KLHL24: variants seen among roughly 807,000 people sequenced by gnomAD.
The protein encoded by KLHL24 is kelch-like protein 24.
A neutral mutation model predicts 53.4 loss-of-function variants in KLHL24; 29 were observed. The observed-to-expected ratio is 0.54, with a 90% CI of 0.40 to 0.74. The LOEUF (loss-of-function observed/expected upper bound fraction) is 0.74. KLHL24 is among the 30% of genes least tolerant of loss of function. The probability of loss-of-function intolerance (pLI) is 0.00; values close to 1 mark genes in which losing one functional copy is unlikely to be tolerated. For missense variants in KLHL24, 504 were observed against 744.0 expected (o/e 0.68, Z 3.75); for synonymous variants, 222 against 253.7 (o/e 0.88, Z 1.19).
intron 7 of KLHL24, among the ~76,000 whole-genome samples, chr3:183,673,820 C>T (rs1576979817): frequency 6.6e-6 from 1 of 152,226 alleles, no homozygotes; most frequent in South Asian, 2.1e-4. Flanking sequence ...CCTCTGTCCT[C>T]TTCCCAGTTT....
In KLHL24 at chr3:183,680,792, CCTGCTGTAGTTTGA is replaced by C. The variant is rs1188188646; in HGVS notation, c.*1509_*1522del. ...CAACATTTAGGGATGTTCTAGGTAG[CCTGCTGTAGTTTGA>C]CTTCCAGTCACTGTTGTCTTTCACA... On this transcript the variant is annotated 3_prime_UTR_variant, in exon 8 of 8. Coordinates refer to ENST00000242810, the MANE Select transcript of KLHL24 (RefSeq NM_017644.3). 1 of 152,002 alleles carries C rather than the reference CCTGCTGTAGTTTGA, an allele frequency of 6.6e-6. No homozygotes were observed. The highest frequency in any genetic ancestry group is 6.5e-5 in the Admixed American group (1 of 15,274). The allele number at this position is 152,002 out of a possible 1,614,324, so 9.4% of individuals were successfully genotyped here.
At chr3:183,672,208 A>C in intron 6 of KLHL24, 88 bp from the exon 7 acceptor site, 5 of 593,504 alleles carry the variant, frequency 8.4e-6, no homozygotes, top group Non-Finnish European at 1.3e-5. Context: ...TATTTTAAAT[A>C]ATGTTTGTAG....
At chr3:183,666,265 T>G (rs1720544787) in intron 5 of KLHL24, among the ~76,000 whole-genome samples, 1 of 152,090 alleles carries the variant, frequency 6.6e-6, no homozygotes, top group Admixed American at 6.5e-5. Flanking sequence ...GGATATTTTT[T>G]TTTTCTTTTG....
chr3:183,650,283 T>A lies in KLHL24; in HGVS notation c.-61-13T>A. Reference sequence around the variant, plus strand: ...TTTTGCATATTGAAATGTTTTCCTTTTTTTACTTTTAGCCACATAAAGAAG... The same window carrying A: ...TTTTGCATATTGAAATGTTTTCCTTATTTTACTTTTAGCCACATAAAGAAG... On this transcript the variant is annotated splice_polypyrimidine_tract_variant and intron_variant, in intron 2 of 7. Transcript: ENST00000242810. This position sits in a 1 kb window ranked among gnomAD's most constrained non-coding sequence, Gnocchi z 4.5. 1 of 1,219,010 alleles carries A rather than the reference T, an allele frequency of 8.2e-7. No homozygotes were observed. Among genetic ancestry groups the A allele is most frequent in the East Asian group, 2.4e-5 (1 of 41,652 alleles). The allele number at this position is 1,219,010 out of a possible 1,614,324, so 75.5% of individuals were successfully genotyped here. A position where few individuals can be genotyped will look rare whatever the true frequency, so the allele number is the denominator to read the frequency against.
At chr3:183,639,937 A>C (rs1454735296) in intron 1 of KLHL24, among the ~76,000 whole-genome samples, 7 of 152,094 alleles carry the variant, frequency 4.6e-5, no homozygotes, top group Admixed American at 4.6e-4. Context: ...AGGCAGGAGA[A>C]TCACTTGAAC....
intron 1 of KLHL24, among the ~76,000 whole-genome samples, chr3:183,636,842 C>T (rs971508236): frequency 8.6e-5 from 13 of 151,914 alleles, no homozygotes; most frequent in Non-Finnish European, 1.6e-4. Context: ...CGCGCTCCCG[C>T]CCCTGCTGCG....
chr3:183,659,731 A>T (rs56228184), intron 3 of KLHL24, among the ~76,000 whole-genome samples: 1 of 69,070 alleles, frequency 1.4e-5, no homozygotes, highest in South Asian at 3.1e-4. Flanking sequence ...TATATGTGGC[A>T]GAAACACATA....
chr3:183,654,307 C>T (rs1718551434), intron 3 of KLHL24, among the ~76,000 whole-genome samples: 1 of 152,110 alleles, frequency 6.6e-6, no homozygotes, highest in East Asian at 1.9e-4. Context: ...ATATTATCTG[C>T]CTGATTCACA....
chr3:183,662,029 T>C lies in KLHL24; in HGVS notation c.921-1429T>C, dbSNP rs544565558. Among the ~76,000 whole-genome samples the C allele has an allele frequency of 2.6e-5, 4 of 152,304 alleles. No individual in the cohort carries two copies. The East Asian group carries it at 7.7e-4, about 29-fold the overall frequency. ...GTATCTGGTGCTGTGCTCTCTTTAT[T>C]TTTAATACTTTTATTTTGGAATTAC... On this transcript the variant is annotated intron_variant, in intron 3 of 7. Transcript: ENST00000242810.
At chr3:183,670,698 T>C (rs1721222720) in intron 5 of KLHL24, among the ~76,000 whole-genome samples, 1 of 152,210 alleles carries the variant, frequency 6.6e-6, no homozygotes, top group African/African-American at 2.4e-5. Flanking sequence ...GGGGCAAAGA[T>C]TGTTTCTTAG....
intron 5 of KLHL24, among the ~76,000 whole-genome samples, chr3:183,670,074 G>A (rs1721130687): frequency 1.3e-5 from 2 of 152,180 alleles, no homozygotes; most frequent in African/African-American, 4.8e-5. Context: ...ACCAGCCTGG[G>A]CAACAGAGGG....
chr3:183,641,066 A>T (rs945243386), intron 1 of KLHL24, among the ~76,000 whole-genome samples: 1 of 152,150 alleles, frequency 6.6e-6, no homozygotes, highest in Non-Finnish European at 1.5e-5. Context: ...TTGATAGTGC[A>T]AGTTTATGAT....
chr3:183,665,118 A>C, intron 5 of KLHL24, 79 bp downstream of exon 5: 1 of 742,222 alleles, frequency 1.3e-6, no homozygotes, highest in Non-Finnish European at 2.4e-6. Context: ...CATTTTACTC[A>C]CCCTCTGGGT....
chr3:183,658,204 C>T (rs12638420), intron 3 of KLHL24, among the ~76,000 whole-genome samples: 49,502 of 147,672 alleles, frequency 0.34, 9,071 homozygotes, highest in African/African-American at 0.5. Flanking sequence ...CAGAGCGAGA[C>T]TCTGTCTCAA....
At chr3:183,656,055 T>C (rs2108813882) in intron 3 of KLHL24, among the ~76,000 whole-genome samples, 1 of 137,458 alleles carries the variant, frequency 7.3e-6, no homozygotes, top group East Asian at 2.1e-4. Context: ...TTTTTTTTTT[T>C]TTTTTTTCTG....
chr3:183,661,064 C>CAAAAAA lies in KLHL24; in HGVS notation c.921-2376_921-2371dup, dbSNP rs755600519. Among the ~76,000 whole-genome samples the CAAAAAA allele has an allele frequency of 5.7e-4, 16 of 27,878 alleles. 1 individual carries two copies. The highest frequency in any genetic ancestry group is 3.1e-3 in the African/African-American group (16 of 5,094). 18.3% of individuals were successfully genotyped at this position (27,878 alleles called of 152,430 possible). ...TGGGCGACAGAGCGAGACTCCGTCTCAAAAAAAAAAAAAAAAAAAAAAATT... is the reference window on the plus strand; with the variant it reads ...TGGGCGACAGAGCGAGACTCCGTCTCAAAAAAAAAAAAAAAAAAAAAAAAAAAAATT... On this transcript the variant is annotated intron_variant, in intron 3 of 7. Coordinates refer to ENST00000242810, the MANE Select transcript of KLHL24 (RefSeq NM_017644.3).
At chr3:183,638,602 T>A (rs1715769320) in intron 1 of KLHL24, among the ~76,000 whole-genome samples, 1 of 152,238 alleles carries the variant, frequency 6.6e-6, no homozygotes. Context: ...CTGGAGAGTA[T>A]ATAGCCACTT....
At chr3:183,642,000 G>A (rs1351953734) in intron 1 of KLHL24, among the ~76,000 whole-genome samples, 4 of 152,198 alleles carry the variant, frequency 2.6e-5, no homozygotes, top group African/African-American at 9.6e-5. Flanking sequence ...AGACCAGATC[G>A]GTTATGAGAG....
chr3:183,638,713 A>G (rs529253978), intron 1 of KLHL24, among the ~76,000 whole-genome samples: 45 of 152,312 alleles, frequency 3.0e-4, no homozygotes, highest in African/African-American at 1.1e-3. Flanking sequence ...AGGCAGGAGA[A>G]TCTCTTGAGC....
Sources: gnomAD v4.1 joint callset for allele counts (sites outside exome capture counted in the v4.1 genomes callset) on GRCh38, gnomAD v4.1.1 for gene constraint, Gnocchi (gnomAD v3.1) non-coding constraint, MANE v1.5 for transcripts, NCBI Gene and HGNC (gene_info 2026-07-23, HGNC 2026-07-21) for gene names.